PTPRQ: variants seen among roughly 807,000 people sequenced by gnomAD.
PTPRQ encodes the protein phosphatidylinositol phosphatase PTPRQ.
Under a neutral mutation model 246.0 loss-of-function variants are expected in PTPRQ, and 199 were observed. The observed-to-expected ratio is 0.81, with a 90% confidence interval of 0.72 to 0.91. PTPRQ has a LOEUF of 0.91. Among genes scored for constraint, PTPRQ ranks in the 40% least tolerant of loss-of-function variants. The pLI, the probability that PTPRQ is intolerant of heterozygous loss-of-function variation, is 0.00. For synonymous variants in PTPRQ, 869 were observed against 853.2 expected (o/e 1.02, Z -0.32); for missense variants, 2,624 against 2,528.4 (o/e 1.04, Z -0.81).
chr12:80,496,145 G>A, intron 13 of PTPRQ, 39 bp downstream of exon 13: 11 of 1,543,754 alleles, frequency 7.1e-6, no homozygotes, highest in Non-Finnish European at 8.7e-6. Flanking sequence ...TTTTAAAAAA[G>A]TGGTTGTAAA....
intron 24 of PTPRQ, chr12:80,546,920 G>A (rs2120859853): frequency 2.4e-6 from 1 of 425,332 alleles, no homozygotes; most frequent in East Asian, 4.5e-5. Context: ...AACAGAGGAA[G>A]TTGAAATAAA....
intron 8 of PTPRQ, among the ~76,000 whole-genome samples, chr12:80,479,005 A>C (rs1893929715): frequency 2.0e-5 from 3 of 152,008 alleles, no homozygotes; most frequent in Admixed American, 1.3e-4. Flanking sequence ...GCCAACGTTC[A>C]GATTCAGGAA....
intron 26 of PTPRQ, among the ~76,000 whole-genome samples, chr12:80,600,724 A>C (rs2121066074): frequency 6.6e-6 from 1 of 151,878 alleles, no homozygotes; most frequent in South Asian, 2.1e-4. Context: ...GACGTAATTA[A>C]TTTTAGCCCA....
intron 20 of PTPRQ, 38 bp from the exon 21 acceptor site, chr12:80,541,517 A>G: frequency 7.2e-7 from 1 of 1,396,072 alleles, no homozygotes; most frequent in South Asian, 1.9e-5. Context: ...GTTTAGGGTA[A>G]CTGATGATTT....
chr12:80,672,768 A>G (rs1901011295), intron 42 of PTPRQ, among the ~76,000 whole-genome samples: 2 of 152,176 alleles, frequency 1.3e-5, no homozygotes. Flanking sequence ...AAAATGCTAT[A>G]TAAGCTAAAT....
Position 80,620,287 on chromosome 12 carries a change from C to T in PTPRQ, c.5523C>T (p.Ile1841=), listed in dbSNP as rs78510464. 1.4e-5 allele frequency: 21 copies of T among 1,549,436 alleles called. No individual in the cohort carries two copies. In the East Asian group the frequency reaches 4.9e-4, roughly 36 times the overall value. Residue 1841 remains isoleucine (I), a synonymous_variant, in exon 32 of 45, where the codon ATC becomes ATT. Transcript: ENST00000644991. ...GKTKFSGNEE[I]YIIGADNACM... is the part of the protein sequence containing the mutation. Reference sequence around the variant, plus strand: ...CAAAGTTTAGTGGCAATGAAGAAATCTACATCATAGGTGCTGATAATGCAT... The same window carrying T: ...CAAAGTTTAGTGGCAATGAAGAAATTTACATCATAGGTGCTGATAATGCAT...
intron 3 of PTPRQ, among the ~76,000 whole-genome samples, chr12:80,446,226 GTTTT>G (rs530783702): frequency 7.0e-6 from 1 of 142,784 alleles, no homozygotes; most frequent in African/African-American, 2.5e-5. Context: ...GGGAGCTCAA[GTTTT>G]TTTTTTTTTT....
intron 27 of PTPRQ, among the ~76,000 whole-genome samples, chr12:80,607,559 T>G (rs1323968696): frequency 1.3e-5 from 2 of 150,092 alleles, no homozygotes; most frequent in East Asian, 3.9e-4. Flanking sequence ...AGGTGCTGGA[T>G]ATGTAGAAGT....
Position 80,619,514 on chromosome 12 carries a change from T to C in PTPRQ, c.5361T>C (p.Asn1787=), listed in dbSNP as rs751071081. ...GTGATGATCATGGACCAATAAAAAA[T>C]GTACAAGTGCTTGTGACAGAAACAG... is the stretch of plus-strand genomic sequence containing the variant. ...YYSDDHGPIK[N]VQVLVTETGA... is the part of the protein sequence containing the mutation. The change falls in exon 31 of 45, where the codon AAT becomes AAC. Residue 1787 remains asparagine, a synonymous_variant. Coordinates refer to ENST00000644991, the MANE Select transcript of PTPRQ (RefSeq NM_001145026.2). 65 of 1,539,084 alleles carry C rather than the reference T, an allele frequency of 4.2e-5. No homozygotes were observed. Among genetic ancestry groups the C allele is most frequent in the Non-Finnish European group, 5.3e-5 (60 of 1,139,826 alleles).
chr12:80,591,961 A>G (rs1425982020), intron 26 of PTPRQ, among the ~76,000 whole-genome samples: 1 of 152,222 alleles, frequency 6.6e-6, no homozygotes, highest in Non-Finnish European at 1.5e-5. Context: ...AGCATAAAAC[A>G]ACATATAACA....
rs1470561005 is a variant in PTPRQ, at chr12:80,546,807, G to C, written c.4015+110G>C. 4 of 1,331,966 alleles carry C rather than the reference G, an allele frequency of 3.0e-6. No individual in the cohort carries two copies. In the Admixed American group the frequency reaches 1.1e-4, roughly 36 times the overall value. The allele number at this position is 1,331,966 out of a possible 1,614,324, so 82.5% of individuals were successfully genotyped here. On this transcript the variant is annotated intron_variant, in intron 24 of 44. Coordinates refer to ENST00000644991, the MANE Select transcript of PTPRQ (RefSeq NM_001145026.2). The stretch of plus-strand genomic sequence containing the variant: ...TCATTACTTAAGAGTCTACTCAAAG[G>C]GAAATTGCATTTCAGTGCTTTACGT...
Position 80,614,868 on chromosome 12 carries a change from A to G in PTPRQ, c.5163+1032A>G, listed in dbSNP as rs371517072. Among the ~76,000 whole-genome samples the G allele has an allele frequency of 4.0e-5, 6 of 151,114 alleles. No homozygotes were observed. In the South Asian group the frequency reaches 6.2e-4, roughly 16 times the overall value. On this transcript the variant is annotated intron_variant, in intron 29 of 44. Coordinates refer to ENST00000644991, the MANE Select transcript of PTPRQ (RefSeq NM_001145026.2). ...AGTTATGGTAGGTAGTGAATGGTAC[A>G]TATATTTTGGCTATTGGAAGAGAGA...
chr12:80,615,024 G>A (rs79745687), intron 29 of PTPRQ, among the ~76,000 whole-genome samples: 2,380 of 150,958 alleles, frequency 0.016, 65 homozygotes, highest in African/African-American at 0.054. Context: ...TTGACCTACT[G>A]AATCAAAATC....
chr12:80,568,452 G>C (rs1240977929), intron 25 of PTPRQ, among the ~76,000 whole-genome samples: 3 of 152,062 alleles, frequency 2.0e-5, no homozygotes, highest in Non-Finnish European at 4.4e-5. Context: ...TTGTTTTGCT[G>C]TTTTTTACTT....
In PTPRQ at chr12:80,673,310, A is replaced by G. The variant is rs903541537; in HGVS notation, c.6738+6A>G. 1.9e-6 allele frequency: 3 copies of G among 1,546,632 alleles called. No individual in the cohort carries two copies. Among genetic ancestry groups the G allele is most frequent in the African/African-American group, 2.8e-5 (2 of 72,690 alleles). On this transcript the variant is annotated splice_donor_region_variant and intron_variant, in intron 43 of 44. Coordinates refer to ENST00000644991, the MANE Select transcript of PTPRQ (RefSeq NM_001145026.2). ...TGTGCATGGTGCAGAATCTGGTAAGATCTCTAAACCTGCACTGCATTCTAA... is the reference window on the plus strand; with the variant it reads ...TGTGCATGGTGCAGAATCTGGTAAGGTCTCTAAACCTGCACTGCATTCTAA...
Position 80,649,607 on chromosome 12 carries a change from T to C in PTPRQ, c.5962T>C (p.Phe1988Leu). ...TTGGAGGCCAATAAGCAAGAAATCCTTCCTGCAACATGTTGAAGAGCTTTG... is the reference window on the plus strand; with the variant it reads ...TTGGAGGCCAATAAGCAAGAAATCCCTCCTGCAACATGTTGAAGAGCTTTG... ...KSIKPISKKS[F>L]LQHVEELCTN... The change falls in exon 37 of 45, where the codon TTC (phenylalanine) becomes CTC (leucine). Residue 1988 changes from phenylalanine to leucine, a missense_variant. Physicochemically the swap from Phe to Leu is conservative, Grantham distance 22. Transcript: ENST00000644991. 1.3e-6 allele frequency: 2 copies of C among 1,549,830 alleles called. No individual in the cohort carries two copies. The highest frequency in any genetic ancestry group is 1.4e-5 in the African/African-American group (1 of 73,078).
chr12:80,625,290 A>C (rs1899156243), intron 33 of PTPRQ, among the ~76,000 whole-genome samples: 1 of 152,096 alleles, frequency 6.6e-6, no homozygotes, highest in African/African-American at 2.4e-5. Flanking sequence ...AGGGACTCAA[A>C]CATTCCTGGT....
At chr12:80,634,464 T>C (rs145466318) in intron 34 of PTPRQ, among the ~76,000 whole-genome samples, 74 of 152,302 alleles carry the variant, frequency 4.9e-4, no homozygotes, top group African/African-American at 1.7e-3. Context: ...TTCAATAAGA[T>C]AATTTGAAAA....
intron 9 of PTPRQ, among the ~76,000 whole-genome samples, chr12:80,492,573 A>G (rs558683152): frequency 6.6e-6 from 1 of 152,100 alleles, no homozygotes; most frequent in South Asian, 2.1e-4. Flanking sequence ...TAGTTAGCTC[A>G]ATGAAAACCT....
Sources: gnomAD v4.1 joint callset for allele counts (sites outside exome capture counted in the v4.1 genomes callset) on GRCh38, gnomAD v4.1.1 for gene constraint, MANE v1.5 for transcripts, NCBI Gene and HGNC (gene_info 2026-07-23, HGNC 2026-07-21) for gene names.